Variants in ANKRD13D observed in about 807,000 individuals in gnomAD.
The protein encoded by ANKRD13D is ankyrin repeat domain 13D, also known as ankyrin repeat domain-containing protein 13D.
In ANKRD13D, 24 loss-of-function variants were observed where a neutral mutation model predicts 68.8. That is an observed-to-expected ratio of 0.35 (90% CI 0.25 to 0.49). ANKRD13D has a LOEUF of 0.49. Among genes scored for constraint, ANKRD13D ranks in the 20% least tolerant of loss-of-function variants. The pLI, the probability that ANKRD13D is intolerant of heterozygous loss-of-function variation, is 0.99. For synonymous variants in ANKRD13D, 331 were observed against 336.1 expected (o/e 0.98, Z 0.16); for missense variants, 735 against 832.1 (o/e 0.88, Z 1.44).
intron 6 of ANKRD13D, among the ~76,000 whole-genome samples, chr11:67,295,576 C>A (rs886257701): frequency 3.5e-4 from 51 of 145,074 alleles, no homozygotes; most frequent in Non-Finnish European, 7.0e-4. Context: ...AATACAAAAA[C>A]AAAAAAAAAA....
chr11:67,299,404 T>G lies in ANKRD13D; in HGVS notation c.799-126T>G, dbSNP rs1158699812. On this transcript the variant is annotated intron_variant, in intron 7 of 14. Coordinates refer to ENST00000511455, the MANE Select transcript of ANKRD13D (RefSeq NM_207354.3). The surrounding 1 kb of genome is among the most constrained non-coding windows in gnomAD (Gnocchi z 6.2). The stretch of plus-strand genomic sequence containing the variant: ...TTCCTGGGGTTCAGACCCTGCCACC[T>G]CCTCCATTTTGGGGAGCAAGATCTC... 2.4e-6 allele frequency: 2 copies of G among 847,810 alleles called. No homozygotes were observed. Among genetic ancestry groups the G allele is most frequent in the Non-Finnish European group, 1.9e-6 (1 of 539,354 alleles). The allele number at this position is 847,810 out of a possible 1,614,324, so 52.5% of individuals were successfully genotyped here.
intron 1 of ANKRD13D, chr11:67,289,812 C>T: frequency 7.0e-7 from 1 of 1,425,364 alleles, no homozygotes; most frequent in Non-Finnish European, 9.1e-7. Flanking sequence ...AACAAGAACT[C>T]TGGTCCTGGT....
Position 67,290,432 on chromosome 11 carries a change from A to G in ANKRD13D, c.337A>G (p.Asn113Asp), listed in dbSNP as rs1252639068. The change falls in exon 3 of 15, where the codon AAC becomes GAC. Residue 113 changes from asparagine to aspartate, a missense_variant. Asn to Asp is a conservative substitution (Grantham distance 23). Coordinates refer to ENST00000511455, the MANE Select transcript of ANKRD13D (RefSeq NM_207354.3). Reference protein sequence around the residue: ...QRLAGIPELLNKLRQAPDFYV... With the variant: ...QRLAGIPELLDKLRQAPDFYV... ...GCTGGCGGGCATTCCGGAACTGCTC[A>G]ACAAACTTCGCCAGGTACAGCAGGG... 2 of 1,585,790 alleles carry G rather than the reference A, an allele frequency of 1.3e-6. No homozygotes were observed. Among genetic ancestry groups the G allele is most frequent in the Admixed American group, 1.8e-5 (1 of 55,238 alleles).
At position 67,299,758 on chromosome 11, in the gene ANKRD13D, A is replaced by C. The variant is rs1860902919; in HGVS notation, c.881-69A>C. 2.7e-5 allele frequency: 42 copies of C among 1,532,450 alleles called. No individual in the cohort carries two copies. In the South Asian group the frequency reaches 5.3e-4, roughly 19 times the overall value. 94.9% of individuals were successfully genotyped at this position (1,532,450 alleles called of 1,614,324 possible). On this transcript the variant is annotated intron_variant, in intron 8 of 14. Transcript: ENST00000511455. The surrounding 1 kb of genome is among the most constrained non-coding windows in gnomAD (Gnocchi z 6.2). ...CCTCTTCCCCCAGACAGTAGGCTCC[A>C]GGGGTGGAGGTGGGCAGGGGCGATG... is the stretch of plus-strand genomic sequence containing the variant.
At chr11:67,295,785 C>A (rs192597182) in intron 6 of ANKRD13D, among the ~76,000 whole-genome samples, 15 of 152,250 alleles carry the variant, frequency 9.9e-5, no homozygotes, top group African/African-American at 3.6e-4. Flanking sequence ...TTAGAGCAGA[C>A]ATCCTTGTAT....
At chr11:67,296,365 G>GTGTGTA (rs772160747) in intron 6 of ANKRD13D, among the ~76,000 whole-genome samples, 2 of 149,498 alleles carry the variant, frequency 1.3e-5, no homozygotes, top group African/African-American at 5.0e-5. Flanking sequence ...GTGTGTGTGT[G>GTGTGTA]TATGTGTGTA....
At chr11:67,292,769 C>T (rs939119468) in intron 6 of ANKRD13D, among the ~76,000 whole-genome samples, 3 of 152,096 alleles carry the variant, frequency 2.0e-5, no homozygotes, top group Non-Finnish European at 2.9e-5. Context: ...ATTTTTATCA[C>T]CTCAGGAAGA....
Position 67,301,985 on chromosome 11 carries a change from G to A in ANKRD13D, c.1605-134G>A, listed in dbSNP as rs1861026038. On this transcript the variant is annotated intron_variant, in intron 14 of 14. Coordinates refer to ENST00000511455, the MANE Select transcript of ANKRD13D (RefSeq NM_207354.3). This position sits in a 1 kb window ranked among gnomAD's most constrained non-coding sequence, Gnocchi z 4.5. ...GGTGGTGTGAGGGGTGGGGAAGCAG[G>A]GCCCTGCCTTGTCTCCTCTGCTTGC... 2 of 1,346,936 alleles carry A rather than the reference G, an allele frequency of 1.5e-6. No homozygotes were observed. The highest frequency in any genetic ancestry group is 2.0e-6 in the Non-Finnish European group (2 of 1,004,672). 83.4% of individuals were successfully genotyped at this position (1,346,936 alleles called of 1,614,324 possible).
At chr11:67,294,527 T>A (rs1385215694) in intron 6 of ANKRD13D, among the ~76,000 whole-genome samples, 1 of 152,082 alleles carries the variant, frequency 6.6e-6, no homozygotes, top group Non-Finnish European at 1.5e-5. Flanking sequence ...ATTCTGTTTT[T>A]TGTTTTGTTT....
chr11:67,294,422 A>C, intron 6 of ANKRD13D, among the ~76,000 whole-genome samples: 1 of 152,152 alleles, frequency 6.6e-6, no homozygotes, highest in East Asian at 1.9e-4. Flanking sequence ...ATGTTTTTCC[A>C]TTTATTTGGA....
rs376993735 is a variant in ANKRD13D, at chr11:67,300,652, G to C, written c.1074-338G>C. 2.2e-5 allele frequency: 10 copies of C among 461,238 alleles called. No individual in the cohort carries two copies. The highest frequency in any genetic ancestry group is 1.8e-4 in the African/African-American group (9 of 50,154). 28.6% of individuals were successfully genotyped at this position (461,238 alleles called of 1,614,324 possible). ...GCTGGACATAAAAGTTTGGCAACAC[G>C]TGAGCTGGTGACCAGCTCTGGGCTG... On this transcript the variant is annotated intron_variant, in intron 10 of 14. Transcript: ENST00000511455. This position sits in a 1 kb window ranked among gnomAD's most constrained non-coding sequence, Gnocchi z 4.3.
chr11:67,299,015 G>T lies in ANKRD13D; in HGVS notation c.732-43G>T. ...TGGAAAGGAAGGCTTTGGCCAGCGT[G>T]TGAGGGTGCAGGTCTCACCAGCTCC... On this transcript the variant is annotated intron_variant, in intron 6 of 14. Coordinates refer to ENST00000511455, the MANE Select transcript of ANKRD13D (RefSeq NM_207354.3). This position sits in a 1 kb window ranked among gnomAD's most constrained non-coding sequence, Gnocchi z 6.2. The T allele has an allele frequency of 1.2e-6, 2 of 1,607,900 alleles. No individual in the cohort carries two copies. Among genetic ancestry groups the T allele is most frequent in the East Asian group, 2.2e-5 (1 of 44,868 alleles).
rs776262219 is a variant in ANKRD13D at position 67,292,059 on chromosome 11, A to C, written c.610A>C (p.Thr204Pro). The C allele has an allele frequency of 1.2e-5, 19 of 1,608,096 alleles. No homozygotes were observed. In the Admixed American group the frequency reaches 3.2e-4, roughly 27 times the overall value. ...GGTGCATGTGGAGACACTGGGGCTC[A>C]CTCTGCAGGAGCCCGAAACACTGCT... Reference protein sequence around the residue: ...QVVHVETLGLTLQEPETLLAA... With the variant: ...QVVHVETLGLPLQEPETLLAA... Residue 204 changes from threonine (T) to proline (P), a missense_variant, in exon 6 of 15, where the codon ACT becomes CCT. Thr to Pro is a conservative substitution (Grantham distance 38). Coordinates refer to ENST00000511455, the MANE Select transcript of ANKRD13D (RefSeq NM_207354.3).
At chr11:67,291,317 C>T in intron 3 of ANKRD13D, 159 bp from the exon 4 acceptor site, 1 of 787,350 alleles carries the variant, frequency 1.3e-6, no homozygotes, top group Non-Finnish European at 2.0e-6. Context: ...GAGATTGCAC[C>T]ACTACACTCC....
chr11:67,289,627 C>T (rs1276408973), intron 1 of ANKRD13D, 77 bp downstream of exon 1: 2 of 1,145,500 alleles, frequency 1.7e-6, no homozygotes, highest in Non-Finnish European at 2.3e-6. Flanking sequence ...TGGAGCCCCC[C>T]CCCCCCCCCC....
chr11:67,292,003 T>TGGTGATGG lies in ANKRD13D; in HGVS notation c.555_562dup (p.Glu188GlyfsTer2). On this transcript the variant is annotated frameshift_variant, in exon 6 of 15. Coordinates refer to ENST00000511455, the MANE Select transcript of ANKRD13D (RefSeq NM_207354.3). LOFTEE classifies it high-confidence loss of function. ...TACCGGCCGGCAGAGGCAGGAGCCC[T>TGGTGATGG]GGTGATGGAAGTGGACCATGACCGG... The TGGTGATGG allele has an allele frequency of 6.3e-7, 1 of 1,583,434 alleles. No individual in the cohort carries two copies. The highest frequency in any genetic ancestry group is 8.6e-7 in the Non-Finnish European group (1 of 1,159,312).
chr11:67,291,388 G>A, intron 3 of ANKRD13D, 88 bp from the exon 4 acceptor site: 1 of 1,374,662 alleles, frequency 7.3e-7, no homozygotes, highest in Non-Finnish European at 1.0e-6. Context: ...CCTGATGAAG[G>A]GCTGGGCTGG....
intron 6 of ANKRD13D, among the ~76,000 whole-genome samples, chr11:67,294,471 A>AGAGT (rs1860688259): frequency 1.3e-5 from 2 of 151,866 alleles, no homozygotes; most frequent in Admixed American, 1.3e-4. Context: ...TATAGTTTTC[A>AGAGT]GAGTGTAAGC....
rs756412452 is a variant in ANKRD13D, at chr11:67,292,103, C to T, written c.654C>T (p.Ser218=). The T allele has an allele frequency of 8.1e-6, 13 of 1,612,466 alleles. No individual in the cohort carries two copies. Among genetic ancestry groups the T allele is most frequent in the Middle Eastern group, 1.6e-4 (1 of 6,066 alleles). ...PETLLAAMRP[S]EEHVASRLTS... ...CACTGCTGGCCGCCATGCGGCCCAG[C>T]GAGGAGCATGTGGCCAGTCGCCTCA... The change falls in exon 6 of 15, where the codon AGC becomes AGT. Residue 218 remains serine (S), a synonymous_variant. Coordinates refer to ENST00000511455, the MANE Select transcript of ANKRD13D (RefSeq NM_207354.3).
Sources: gnomAD v4.1 joint callset for allele counts (sites outside exome capture counted in the v4.1 genomes callset) on GRCh38, gnomAD v4.1.1 for gene constraint, Gnocchi (gnomAD v3.1) non-coding constraint, MANE v1.5 for transcripts, NCBI Gene and HGNC (gene_info 2026-07-23, HGNC 2026-07-21) for gene names.